Variants in AAMDC observed in about 807,000 individuals in gnomAD.
AAMDC encodes the protein mth938 domain-containing protein.
Under a neutral mutation model 15.5 loss-of-function variants are expected in AAMDC, and 16 were observed. The ratio of observed to expected loss-of-function variants is 1.03; its 90% CI spans 0.70 to 1.57. The LOEUF is 1.57. Among genes scored for constraint, AAMDC ranks in the 40% most tolerant of loss-of-function variants. AAMDC has a pLI of 0.00. For synonymous variants in AAMDC, 51 were observed against 51.6 expected, an observed-to-expected ratio of 0.99 and a Z score of 0.05; for missense variants, 141 against 144.9, an observed-to-expected ratio of 0.97 and a Z score of 0.14.
In AAMDC at chr11:77,869,633, AT is replaced by A. The variant is rs1454061836; in HGVS notation, c.133-86del. ...TGGCACAAAGTGAACCTCAGTAGAC[AT>A]TTCTTGAATGAATGAATCCCACAAG... On this transcript the variant is annotated intron_variant, in intron 2 of 3. Transcript: ENST00000393427. 18 of 1,285,722 alleles carry A rather than the reference AT, an allele frequency of 1.4e-5. No individual in the cohort carries two copies. In the Admixed American group the frequency reaches 3.1e-4, roughly 22 times the overall value. 79.6% of individuals were successfully genotyped at this position (1,285,722 alleles called of 1,614,324 possible).
chr11:77,888,764 G>A (rs1308312756), intron 5 of AAMDC, among the ~76,000 whole-genome samples: 3 of 152,138 alleles, frequency 2.0e-5, no homozygotes, highest in Non-Finnish European at 4.4e-5. Flanking sequence ...AGTGGGCAAA[G>A]GATATGAACA....
intron 2 of AAMDC, among the ~76,000 whole-genome samples, chr11:77,854,889 C>T (rs1950548770): frequency 6.6e-6 from 1 of 152,226 alleles, no homozygotes; most frequent in Non-Finnish European, 1.5e-5. Flanking sequence ...CAGCAGACTT[C>T]TGCCTGGACA....
chr11:77,851,373 GCT>G (rs1247292134), intron 2 of AAMDC: 2 of 152,214 alleles, frequency 1.3e-5, no homozygotes, highest in Non-Finnish European at 2.9e-5. Context: ...AGTTTCTTCT[GCT>G]CAAGACAGTT....
chr11:77,879,731 A>C (rs898343744), intron 5 of AAMDC, among the ~76,000 whole-genome samples: 4 of 152,228 alleles, frequency 2.6e-5, no homozygotes, highest in Non-Finnish European at 5.9e-5. Flanking sequence ...AGAATAATTA[A>C]GAACTCCCCT....
At chr11:77,895,866 G>C (rs1952495889) in intron 5 of AAMDC, among the ~76,000 whole-genome samples, 1 of 152,110 alleles carries the variant, frequency 6.6e-6, no homozygotes, top group South Asian at 2.1e-4. Flanking sequence ...AGGCCTCTAA[G>C]AACTCCTACT....
intron 1 of AAMDC, among the ~76,000 whole-genome samples, chr11:77,832,599 T>G (rs1468359323): frequency 6.6e-6 from 1 of 152,112 alleles, no homozygotes; most frequent in African/African-American, 2.4e-5. Context: ...GTACTGGGAT[T>G]ACAGGCATGA....
At chr11:77,879,001 G>C in intron 5 of AAMDC, 1 of 1,614,114 alleles carries the variant, frequency 6.2e-7, no homozygotes, top group Non-Finnish European at 8.5e-7. Context: ...CTTGCTGAAG[G>C]GAATGGTGCC....
At chr11:77,823,767 G>C (rs113776872) in intron 1 of AAMDC, among the ~76,000 whole-genome samples, 115 of 151,712 alleles carry the variant, frequency 7.6e-4, no homozygotes, top group Non-Finnish European at 1.4e-3. Context: ...AAATAAAATT[G>C]TATCTTTGTG....
rs374235923 is a variant in AAMDC, at chr11:77,855,720, C to CTTTT, written c.132+13106_132+13109dup. 3.5e-3 allele frequency among the ~76,000 whole-genome samples: 442 copies of CTTTT among 127,934 alleles called. 12 individuals carry two copies. Among genetic ancestry groups the CTTTT allele is most frequent in the African/African-American group, 0.012 (419 of 33,660 alleles). 83.9% of individuals were successfully genotyped at this position (127,934 alleles called of 152,430 possible). A position where few individuals can be genotyped will look rare whatever the true frequency, so the allele number is the denominator to read the frequency against. ...TTAAATGTAAGTTCCAGTTTTATGT[C>CTTTT]TTTTTTTTTTTTTTTTTGCTCAAGA... On this transcript the variant is annotated intron_variant, in intron 2 of 3. Transcript: ENST00000393427.
Position 77,869,705 on chromosome 11 carries a change from T to C in AAMDC, c.133-17T>C, listed in dbSNP as rs1270256349. ...ATTGAGAGCAGGTACCTGTCTACTT[T>C]CTCTTTCCACATCCAGCATTCTCCT... On this transcript the variant is annotated splice_polypyrimidine_tract_variant and intron_variant, in intron 2 of 3. Coordinates refer to ENST00000393427, the MANE Select transcript of AAMDC (RefSeq NM_024684.4). 6.2e-7 allele frequency: 1 copy of C among 1,612,088 alleles called. No individual in the cohort carries two copies. The highest frequency in any genetic ancestry group is 1.1e-5 in the South Asian group (1 of 90,990).
chr11:77,883,518 G>GACTTGCT, intron 5 of AAMDC, among the ~76,000 whole-genome samples: 5 of 152,284 alleles, frequency 3.3e-5, no homozygotes, highest in Admixed American at 3.3e-4. Flanking sequence ...AAGCAAGTCG[G>GACTTGCT]TGGCAGTTAG....
At chr11:77,842,706 T>A in intron 2 of AAMDC, 78 bp downstream of exon 2, 1 of 1,550,726 alleles carries the variant, frequency 6.4e-7, no homozygotes, top group Non-Finnish European at 8.7e-7. Flanking sequence ...AATGACTAAG[T>A]GAAAAACTAT....
At chr11:77,854,616 T>G (rs1950536053) in intron 2 of AAMDC, among the ~76,000 whole-genome samples, 1 of 152,224 alleles carries the variant, frequency 6.6e-6, no homozygotes. Context: ...TTCCCAAGGC[T>G]TTGGGCAGCT....
In AAMDC at chr11:77,865,878, T is replaced by C. The variant is rs576459281; in HGVS notation, c.133-3844T>C. On this transcript the variant is annotated intron_variant, in intron 2 of 3. Coordinates refer to ENST00000393427, the MANE Select transcript of AAMDC (RefSeq NM_024684.4). ...CTGAGAAGGGGACCATCGGCCTCAA[T>C]AGACTGCCAGAGGGGCCTGTAGCAC... Among the ~76,000 whole-genome samples, 24 of 152,308 alleles carry C rather than the reference T, an allele frequency of 1.6e-4. No homozygotes were observed. The South Asian group carries it at 4.2e-3, about 26-fold the overall frequency.
chr11:77,893,891 T>TTAAATAAACAAA (rs1952389893), intron 5 of AAMDC, among the ~76,000 whole-genome samples: 4 of 137,868 alleles, frequency 2.9e-5, no homozygotes, highest in African/African-American at 1.1e-4. Context: ...AGACTCTGTC[T>TTAAATAAACAAA]TAAATAAATA....
downstream of AAMDC, among the ~76,000 whole-genome samples, chr11:77,872,957 G>GA (rs1951495925): frequency 6.6e-6 from 1 of 152,088 alleles, no homozygotes; most frequent in Admixed American, 6.6e-5. Flanking sequence ...TTTCAAAAAA[G>GA]AAAAAATTCA....
downstream of AAMDC, among the ~76,000 whole-genome samples, chr11:77,874,333 T>C (rs1951539930): frequency 6.6e-6 from 1 of 152,066 alleles, no homozygotes; most frequent in South Asian, 2.1e-4. Context: ...CTAAGAAGGA[T>C]GTTTGATAAA....
At chr11:77,863,499 G>T (rs1950974442) in intron 2 of AAMDC, among the ~76,000 whole-genome samples, 1 of 152,168 alleles carries the variant, frequency 6.6e-6, no homozygotes, top group Non-Finnish European at 1.5e-5. Flanking sequence ...AGCAATTCTT[G>T]TGCCTCAGCC....
At chr11:77,849,979 T>TC (rs1950305694) in intron 2 of AAMDC, among the ~76,000 whole-genome samples, 1 of 152,154 alleles carries the variant, frequency 6.6e-6, no homozygotes, top group African/African-American at 2.4e-5. Context: ...AGGATCTGTT[T>TC]CCCCCACTAA....
Sources: allele counts gnomAD v4.1 joint callset (sites outside exome capture counted in the v4.1 genomes callset), GRCh38; gene constraint gnomAD v4.1.1; transcripts MANE v1.5; gene names NCBI Gene and HGNC (gene_info 2026-07-23, HGNC 2026-07-21).